PTPRJ: variants seen among roughly 807,000 people sequenced by gnomAD.
PTPRJ encodes receptor-type tyrosine-protein phosphatase eta.
Under a neutral mutation model 141.3 loss-of-function variants are expected in PTPRJ, and 129 were observed. That is an observed-to-expected ratio of 0.91 (90% CI 0.79 to 1.06). PTPRJ has a LOEUF of 1.06. Ranked by LOEUF, PTPRJ falls within the 50% of genes least tolerant of loss-of-function variation. The pLI, the probability that PTPRJ is intolerant of heterozygous loss-of-function variation, is 0.00. For missense variants in PTPRJ, 1,601 were observed against 1,679.7 expected, an observed-to-expected ratio of 0.95 and a Z score of 0.82; for synonymous variants, 610 against 640.5, an observed-to-expected ratio of 0.95 and a Z score of 0.72.
At chr11:48,144,452 A>G (rs1320570391) in intron 12 of PTPRJ, among the ~76,000 whole-genome samples, 1 of 152,204 alleles carries the variant, frequency 6.6e-6, no homozygotes, top group Non-Finnish European at 1.5e-5. Context: ...TCTTGTCTGT[A>G]AAATGGAGAC....
rs1213832852 is a variant in PTPRJ at position 48,169,623 on chromosome 11, G to A, written c.*2261G>A. On this transcript the variant is annotated 3_prime_UTR_variant, in exon 25 of 25. Coordinates refer to ENST00000418331, the MANE Select transcript of PTPRJ (RefSeq NM_002843.4). The stretch of plus-strand genomic sequence containing the variant: ...CATTGTGATGGGTGGCAAATCCCAG[G>A]GAGCTCCTAAGCCCTGCTCTGCCCA... 6.6e-6 allele frequency: 1 copy of A among 152,196 alleles called. No individual in the cohort carries two copies. The highest frequency in any genetic ancestry group is 1.5e-5 in the Non-Finnish European group (1 of 68,054). 9.4% of individuals were successfully genotyped at this position (152,196 alleles called of 1,614,324 possible).
At chr11:48,000,515 TAGTATA>T (rs1854466911) in intron 1 of PTPRJ, among the ~76,000 whole-genome samples, 1 of 152,024 alleles carries the variant, frequency 6.6e-6, no homozygotes, top group African/African-American at 2.4e-5. Flanking sequence ...ATATCGCTGT[TAGTATA>T]AACCCAAACA....
intron 1 of PTPRJ, among the ~76,000 whole-genome samples, chr11:48,082,298 A>G (rs184930937): frequency 1.3e-5 from 2 of 152,052 alleles, no homozygotes; most frequent in Admixed American, 6.5e-5. Context: ...GCTGAAGTGC[A>G]GTGGCACAAT....
chr11:48,159,077 G>A (rs1857685314), intron 21 of PTPRJ, among the ~76,000 whole-genome samples: 1 of 146,396 alleles, frequency 6.8e-6, no homozygotes, highest in African/African-American at 2.5e-5. Context: ...CTGAGTGTGT[G>A]TGCGTGTGTG....
At chr11:48,075,188 C>T (rs1025994049) in intron 1 of PTPRJ, among the ~76,000 whole-genome samples, 2 of 152,048 alleles carry the variant, frequency 1.3e-5, no homozygotes, top group African/African-American at 2.4e-5. Context: ...CTGTCACCCA[C>T]GCTGGAGTGC....
At chr11:48,035,905 C>A (rs993165503) in intron 1 of PTPRJ, among the ~76,000 whole-genome samples, 4 of 152,188 alleles carry the variant, frequency 2.6e-5, no homozygotes, top group Non-Finnish European at 5.9e-5. Context: ...TAGTTTTTAA[C>A]CCATGTTCTA....
intron 2 of PTPRJ, among the ~76,000 whole-genome samples, chr11:48,110,792 C>T (rs1393908472): frequency 6.6e-6 from 1 of 152,170 alleles, no homozygotes; most frequent in Non-Finnish European, 1.5e-5. Flanking sequence ...ACCTGGACTC[C>T]CGCATGTTTT....
In PTPRJ at chr11:48,169,553, C is replaced by T. The variant is rs1171561378; in HGVS notation, c.*2191C>T. 6.6e-6 allele frequency: 1 copy of T among 152,206 alleles called. No homozygotes were observed. Among genetic ancestry groups the T allele is most frequent in the African/African-American group, 2.4e-5 (1 of 41,420 alleles). 9.4% of individuals were successfully genotyped at this position (152,206 alleles called of 1,614,324 possible). On this transcript the variant is annotated 3_prime_UTR_variant, in exon 25 of 25. Transcript: ENST00000418331. ...CATTCATAGGTCCCTGTTCAGGCAG[C>T]AGTTCTGTGGGCTGTGGCCCTCTCC...
intron 1 of PTPRJ, among the ~76,000 whole-genome samples, chr11:48,006,221 C>T (rs998895035): frequency 6.6e-6 from 1 of 152,130 alleles, no homozygotes; most frequent in Non-Finnish European, 1.5e-5. Flanking sequence ...CATCACTTTC[C>T]TCATCTGGAA....
At chr11:48,155,172 A>G (rs1170580923) in intron 19 of PTPRJ, among the ~76,000 whole-genome samples, 2 of 152,126 alleles carry the variant, frequency 1.3e-5, no homozygotes, top group African/African-American at 4.8e-5. Flanking sequence ...AGACCCTCCT[A>G]CTCATAGTAG....
At chr11:47,993,703 C>T (rs1190721546) in intron 1 of PTPRJ, among the ~76,000 whole-genome samples, 1 of 152,172 alleles carries the variant, frequency 6.6e-6, no homozygotes, top group African/African-American at 2.4e-5. Context: ...ACCTCTAGCT[C>T]TAGGCTGTGC....
intron 1 of PTPRJ, among the ~76,000 whole-genome samples, chr11:48,031,096 C>T (rs117067033): frequency 0.016 from 2,384 of 152,314 alleles, 30 homozygotes; most frequent in Non-Finnish European, 0.022. Flanking sequence ...ACCAAAGAGC[C>T]ACCTAATTGT....
chr11:48,139,546 T>G lies in PTPRJ; in HGVS notation c.2213T>G (p.Leu738Arg), dbSNP rs1590549592. The change falls in exon 11 of 25, where the codon CTC (leucine) becomes CGC (arginine). Residue 738 changes from leucine to arginine, a missense_variant. Leu to Arg is a moderately radical substitution (Grantham distance 102, BLOSUM62 -2). Transcript: ENST00000418331. The stretch of plus-strand genomic sequence containing the variant: ...GTCCCCAAAGAGCCAGCCCTGGTTC[T>G]CAAATGGACCTGCCCTCCTGGCGCC... ...EVVPKEPALVLKWTCPPGANA... is the reference protein window; with the variant it reads ...EVVPKEPALVRKWTCPPGANA... The G allele has an allele frequency of 6.2e-7, 1 of 1,614,240 alleles. No homozygotes were observed. Among genetic ancestry groups the G allele is most frequent in the South Asian group, 1.1e-5 (1 of 91,086 alleles).
intron 6 of PTPRJ, 67 bp downstream of exon 6, chr11:48,125,253 T>C (rs771957939): frequency 4.6e-6 from 7 of 1,535,810 alleles, no homozygotes; most frequent in Non-Finnish European, 6.3e-6. Flanking sequence ...CTCCTGTGAT[T>C]CTGATTCTGA....
Position 48,150,125 on chromosome 11 carries a change from AG to A in PTPRJ, c.3082del (p.Ala1028ProfsTer21), listed in dbSNP as rs1176456834. The A allele has an allele frequency of 6.2e-7, 1 of 1,614,106 alleles. No individual in the cohort carries two copies. ...KSKLIRVENFEAYFKKQQADS... is the reference protein window; with the variant it reads ...KSKLIRVENFXAYFKKQQADS... ...AAGTTAATCAGAGTGGAGAATTTTG[AG>A]GCCTACTTCAAGAAGCAGCAAGCTG... On this transcript the variant is annotated frameshift_variant, in exon 18 of 25. Coordinates refer to ENST00000418331, the MANE Select transcript of PTPRJ (RefSeq NM_002843.4). LOFTEE classifies it high-confidence loss of function.
Position 48,078,207 on chromosome 11 carries a change from C to T in PTPRJ, c.97-31851C>T, listed in dbSNP as rs533343408. ...CCAGGTAGCTGGGATGACAGGAGCC[C>T]ACCACCACGCTTGGCTAATTTTGTG... On this transcript the variant is annotated intron_variant, in intron 1 of 24. Transcript: ENST00000418331. Among the ~76,000 whole-genome samples the T allele has an allele frequency of 2.0e-5, 3 of 152,102 alleles. No homozygotes were observed. In the South Asian group the frequency reaches 6.2e-4, roughly 32 times the overall value.
chr11:48,132,360 G>C, intron 8 of PTPRJ: 1 of 975,002 alleles, frequency 1.0e-6, no homozygotes, highest in Non-Finnish European at 1.2e-6. Context: ...GGGAGACCCT[G>C]TCTCAAAAAA....
chr11:48,118,132 G>A (rs1856614045), intron 3 of PTPRJ, among the ~76,000 whole-genome samples: 1 of 152,182 alleles, frequency 6.6e-6, no homozygotes, highest in Admixed American at 6.5e-5. Context: ...CACCCAGGCT[G>A]GAGTACAGTG....
chr11:48,154,956 A>G (rs1331981690), intron 19 of PTPRJ, among the ~76,000 whole-genome samples: 2 of 152,190 alleles, frequency 1.3e-5, no homozygotes, highest in African/African-American at 4.8e-5. Context: ...GACTCAGGTC[A>G]GTACTAGACT....
Sources: gnomAD v4.1 joint callset for allele counts (sites outside exome capture counted in the v4.1 genomes callset) on GRCh38, gnomAD v4.1.1 for gene constraint, MANE v1.5 for transcripts, NCBI Gene and HGNC (gene_info 2026-07-23, HGNC 2026-07-21) for gene names.